The following AREL1 variants were observed in gnomAD, a reference collection of about 807,000 sequenced individuals.
AREL1 encodes apoptosis resistant E3 ubiquitin protein ligase 1.
In AREL1, 62 loss-of-function variants were observed where a neutral mutation model predicts 99.0. The ratio of observed to expected loss-of-function variants is 0.63; its 90% CI spans 0.51 to 0.77. The LOEUF is 0.77. Ranked by LOEUF, AREL1 falls within the 30% of genes least tolerant of loss-of-function variation. The probability of loss-of-function intolerance (pLI) is 0.00; values close to 1 mark genes in which losing one functional copy is unlikely to be tolerated. For missense variants in AREL1, 879 were observed against 1,027.6 expected, an observed-to-expected ratio of 0.86 and a Z score of 1.98; for synonymous variants, 380 against 376.5, an observed-to-expected ratio of 1.01 and a Z score of -0.11.
chr14:74,708,659 A>T (rs1022100223), intron 1 of AREL1, among the ~76,000 whole-genome samples: 1 of 152,168 alleles, frequency 6.6e-6, no homozygotes, highest in Admixed American at 6.6e-5. Context: ...AAATCAATTA[A>T]CAGATGTTAA....
In AREL1 at chr14:74,662,704, G is replaced by C. The variant is rs2139844046; in HGVS notation, c.*1016C>G. 4 of 398,336 alleles carry C rather than the reference G, an allele frequency of 1.0e-5. No homozygotes were observed. The East Asian group carries it at 1.4e-4, about 14-fold the overall frequency. The allele number at this position is 398,336 out of a possible 1,614,324, so 24.7% of individuals were successfully genotyped here. A position where few individuals can be genotyped will look rare whatever the true frequency, so the allele number is the denominator to read the frequency against. ...CCTGTGATAAGCACGTAAACTCCTA[G>C]TCCCTGTTCCTTTGTCTTAGTGCTG... is the stretch of plus-strand genomic sequence containing the variant. On this transcript the variant is annotated 3_prime_UTR_variant, in exon 20 of 20. Transcript: ENST00000356357.
Position 74,685,601 on chromosome 14 carries a change from A to T in AREL1, c.15T>A (p.Ile5=). The part of the protein sequence containing the change: MFYV[I]GGITVSVVAF... ...GAGAGAGCTCTTTCCATAACGTACC[A>T]ATAACGTAAAACATCAGGTCCCGTC... is the stretch of plus-strand genomic sequence containing the variant. The change falls in exon 3 of 20, where the codon ATT becomes ATA. Residue 5 remains isoleucine, a splice_region_variant and synonymous_variant. Transcript: ENST00000356357. 6.2e-7 allele frequency: 1 copy of T among 1,614,210 alleles called. No homozygotes were observed. Among genetic ancestry groups the T allele is most frequent in the Non-Finnish European group, 8.5e-7 (1 of 1,180,010 alleles).
intron 17 of AREL1, 147 bp downstream of exon 17, chr14:74,667,172 A>C: frequency 1.2e-6 from 1 of 822,438 alleles, no homozygotes; most frequent in Non-Finnish European, 1.9e-6. Flanking sequence ...CTGAAGGGTC[A>C]ATGAATGGAG....
chr14:74,675,575 C>G, intron 8 of AREL1, 124 bp downstream of exon 8: 1 of 1,360,438 alleles, frequency 7.4e-7, no homozygotes, highest in South Asian at 1.5e-5. Context: ...AAGTGGCTTT[C>G]TATACAACTA....
Position 74,663,394 on chromosome 14 carries a change from C to T in AREL1, c.*326G>A. ...TTTAAGGGTCTCCACACCAGTTTCCCAACAGGGCTGAGCCCCGTGTGCCAT... is the reference window on the plus strand; with the variant it reads ...TTTAAGGGTCTCCACACCAGTTTCCTAACAGGGCTGAGCCCCGTGTGCCAT... On this transcript the variant is annotated 3_prime_UTR_variant, in exon 20 of 20. Transcript: ENST00000356357. The T allele has an allele frequency of 5.6e-6, 2 of 357,250 alleles. No individual in the cohort carries two copies. The highest frequency in any genetic ancestry group is 6.5e-5 in the East Asian group (1 of 15,494). 22.1% of individuals were successfully genotyped at this position (357,250 alleles called of 1,614,324 possible).
chr14:74,693,783 C>T (rs1363701193), intron 1 of AREL1, among the ~76,000 whole-genome samples: 1 of 152,136 alleles, frequency 6.6e-6, no homozygotes, highest in Non-Finnish European at 1.5e-5. Context: ...GAAGAAAGCA[C>T]AAAATGCTAA....
intron 1 of AREL1, among the ~76,000 whole-genome samples, chr14:74,693,034 G>T (rs1390931784): frequency 6.6e-6 from 1 of 152,066 alleles, no homozygotes; most frequent in Non-Finnish European, 1.5e-5. Context: ...CAGACTTAAA[G>T]AGTAACCTTC....
At chr14:74,698,524 G>C (rs1382487135) in intron 1 of AREL1, among the ~76,000 whole-genome samples, 1 of 152,016 alleles carries the variant, frequency 6.6e-6, no homozygotes, top group Non-Finnish European at 1.5e-5. Context: ...CTATATACTG[G>C]GCTACGTGAT....
intron 1 of AREL1, among the ~76,000 whole-genome samples, chr14:74,693,963 G>A (rs2089932081): frequency 6.6e-6 from 1 of 152,100 alleles, no homozygotes. Flanking sequence ...GATCACTTGA[G>A]CCCAGGAGTT....
chr14:74,689,587 C>CTTTTTTTTTT (rs1185444870), intron 2 of AREL1, among the ~76,000 whole-genome samples: 3 of 113,714 alleles, frequency 2.6e-5, no homozygotes, highest in Non-Finnish European at 5.9e-5. Flanking sequence ...TCTTATAGCA[C>CTTTTTTTTTT]TTTTCTTTTT....
chr14:74,677,779 G>A (rs2089525834), intron 5 of AREL1, among the ~76,000 whole-genome samples: 1 of 150,584 alleles, frequency 6.6e-6, no homozygotes, highest in Admixed American at 6.6e-5. Context: ...GGAATTACAG[G>A]CGTAAGCCAC....
chr14:74,708,396 G>C (rs1211113621), intron 1 of AREL1, among the ~76,000 whole-genome samples: 1 of 152,010 alleles, frequency 6.6e-6, no homozygotes, highest in Non-Finnish European at 1.5e-5. Context: ...TGTTTGCACA[G>C]CCCACCTGGG....
intron 2 of AREL1, among the ~76,000 whole-genome samples, chr14:74,690,846 A>G (rs150943077): frequency 8.1e-4 from 124 of 152,338 alleles, no homozygotes; most frequent in African/African-American, 2.9e-3. Context: ...GTCACTTATC[A>G]CAGGCCAAAC....
chr14:74,681,574 A>G (rs2089629110), intron 5 of AREL1, among the ~76,000 whole-genome samples: 1 of 152,062 alleles, frequency 6.6e-6, no homozygotes, highest in Admixed American at 6.6e-5. Flanking sequence ...GGAGATCGAG[A>G]CCATCCTGGC....
At chr14:74,678,294 C>T (rs1213944422) in intron 5 of AREL1, 3 of 442,224 alleles carry the variant, frequency 6.8e-6, no homozygotes, top group South Asian at 1.6e-5. Flanking sequence ...TCCAGGAGTT[C>T]GAGACCACCC....
chr14:74,664,853 A>G lies in AREL1; in HGVS notation c.2176T>C (p.Trp726Arg). The change falls in exon 18 of 20, where the codon TGG becomes CGG. Residue 726 changes from tryptophan (W) to arginine (R), a missense_variant. Physicochemically the swap from Trp to Arg is moderately radical, Grantham distance 101. Coordinates refer to ENST00000356357, the MANE Select transcript of AREL1 (RefSeq NM_001039479.2). ...KAHAVVVGGSWHFREKVMRWF... is the reference protein window; with the variant it reads ...KAHAVVVGGSRHFREKVMRWF... Reference sequence around the variant, plus strand: ...CCATTTACCTTTTCTCTGAAATGCCATGAGCCACCAACAACTACTGCATGG... The same window carrying G: ...CCATTTACCTTTTCTCTGAAATGCCGTGAGCCACCAACAACTACTGCATGG... 6.2e-7 allele frequency: 1 copy of G among 1,613,734 alleles called. No homozygotes were observed. The highest frequency in any genetic ancestry group is 1.7e-5 in the Admixed American group (1 of 60,008).
In AREL1 at chr14:74,675,686, T is replaced by C. The variant is rs370567839; in HGVS notation, c.1080+13A>G. ...AAGCAGGGGGATTTTATGTCGAGAA[T>C]GGAAGGTCCAACCTTTGGTGACACA... On this transcript the variant is annotated intron_variant, in intron 8 of 19. Coordinates refer to ENST00000356357, the MANE Select transcript of AREL1 (RefSeq NM_001039479.2). 36 of 1,609,956 alleles carry C rather than the reference T, an allele frequency of 2.2e-5. No homozygotes were observed. The highest frequency in any genetic ancestry group is 3.0e-5 in the Non-Finnish European group (35 of 1,176,882).
chr14:74,664,716 C>G, intron 18 of AREL1, 120 bp downstream of exon 18: 3 of 701,094 alleles, frequency 4.3e-6, no homozygotes, highest in South Asian at 1.8e-5. Context: ...GCCTCAGCCT[C>G]CCAAAGTGCT....
At chr14:74,690,844 T>C (rs561267425) in intron 2 of AREL1, among the ~76,000 whole-genome samples, 48 of 152,318 alleles carry the variant, frequency 3.2e-4, no homozygotes, top group Non-Finnish European at 6.3e-4. Flanking sequence ...GAGTCACTTA[T>C]CACAGGCCAA....
Sources: gnomAD v4.1 joint callset for allele counts (sites outside exome capture counted in the v4.1 genomes callset) on GRCh38, gnomAD v4.1.1 for gene constraint, MANE v1.5 for transcripts, NCBI Gene and HGNC (gene_info 2026-07-23, HGNC 2026-07-21) for gene names.